CDH18: variants seen among roughly 807,000 people sequenced by gnomAD.
The protein encoded by CDH18 is cadherin 18, also known as cadherin-18.
Under a neutral mutation model 67.9 loss-of-function variants are expected in CDH18, and 31 were observed. That is an observed-to-expected ratio of 0.46 (90% CI 0.34 to 0.62). The LOEUF is 0.62. CDH18 is among the 20% of genes least tolerant of loss of function. The pLI, the probability that CDH18 is intolerant of heterozygous loss-of-function variation, is 0.01. For synonymous variants in CDH18, 362 were observed against 347.2 expected (o/e 1.04, Z -0.48); for missense variants, 890 against 975.5 (o/e 0.91, Z 1.17).
At chr5:19,711,242 A>T (rs1581003713) in intron 5 of CDH18, among the ~76,000 whole-genome samples, 1 of 152,242 alleles carries the variant, frequency 6.6e-6, no homozygotes, top group South Asian at 2.1e-4. Context: ...AAAATAGACA[A>T]GTAAGACTAT....
chr5:19,766,181 G>C (rs911694435), intron 3 of CDH18, among the ~76,000 whole-genome samples: 5 of 152,082 alleles, frequency 3.3e-5, no homozygotes, highest in Admixed American at 6.6e-5. Flanking sequence ...GCCCGACCCA[G>C]AACTTTTTCA....
intron 1 of CDH18, among the ~76,000 whole-genome samples, chr5:20,573,188 G>A (rs968279753): frequency 6.6e-6 from 1 of 151,982 alleles, no homozygotes. Context: ...AAGCTAAGAA[G>A]AATGTCCTAG....
intron 2 of CDH18, among the ~76,000 whole-genome samples, chr5:20,133,441 T>C (rs1259548752): frequency 1.3e-5 from 2 of 152,170 alleles, no homozygotes; most frequent in African/African-American, 4.8e-5. Context: ...CATGATTCAA[T>C]TGCCTCCCAC....
intron 1 of CDH18, among the ~76,000 whole-genome samples, chr5:20,270,881 G>A (rs1561927916): frequency 6.6e-6 from 1 of 151,914 alleles, no homozygotes; most frequent in Non-Finnish European, 1.5e-5. Flanking sequence ...TCTAATGCAG[G>A]GATACAAAAC....
At chr5:19,757,470 T>C (rs1771761926) in intron 3 of CDH18, among the ~76,000 whole-genome samples, 1 of 152,178 alleles carries the variant, frequency 6.6e-6, no homozygotes, top group Non-Finnish European at 1.5e-5. Context: ...GCTGAGCCCA[T>C]GTGTAACCTC....
At chr5:19,805,229 T>C (rs1049411133) in intron 3 of CDH18, among the ~76,000 whole-genome samples, 1 of 152,136 alleles carries the variant, frequency 6.6e-6, no homozygotes. Flanking sequence ...ATCACAGACA[T>C]GAGCCACCAT....
intron 2 of CDH18, among the ~76,000 whole-genome samples, chr5:20,157,603 T>C (rs765388992): frequency 6.6e-6 from 1 of 151,948 alleles, no homozygotes; most frequent in African/African-American, 2.4e-5. Flanking sequence ...CACAATGAGT[T>C]TATTTCTTTT....
chr5:19,839,074 A>G lies in CDH18; in HGVS notation c.-88T>C, dbSNP rs923876038. The G allele has an allele frequency of 1.6e-4, 161 of 988,324 alleles. No homozygotes were observed. Among genetic ancestry groups the G allele is most frequent in the Non-Finnish European group, 2.2e-4 (139 of 632,100 alleles). 61.2% of individuals were successfully genotyped at this position (988,324 alleles called of 1,614,324 possible). A position where few individuals can be genotyped will look rare whatever the true frequency, so the allele number is the denominator to read the frequency against. On this transcript the variant is annotated 5_prime_UTR_variant, in exon 3 of 13. The change abolishes an upstream ATG in the 5' untranslated region. Transcript: ENST00000382275. Reference sequence around the variant, plus strand: ...GAGCATTCAAGAGAGAAGCCAGAGCATCTTTAGGAAGGACAGTCCAAAGTA... The same window carrying G: ...GAGCATTCAAGAGAGAAGCCAGAGCGTCTTTAGGAAGGACAGTCCAAAGTA...
chr5:19,973,788 A>G (rs1798247344), intron 2 of CDH18, among the ~76,000 whole-genome samples: 1 of 151,720 alleles, frequency 6.6e-6, no homozygotes, highest in Non-Finnish European at 1.5e-5. Context: ...ATGAGCATAG[A>G]TAGGGATCAA....
intron 3 of CDH18, among the ~76,000 whole-genome samples, chr5:19,775,283 C>T (rs986425374): frequency 2.0e-5 from 3 of 152,152 alleles, no homozygotes; most frequent in African/African-American, 7.2e-5. Flanking sequence ...ATGTCCTTTA[C>T]CAGCTGTCTT....
intron 1 of CDH18, among the ~76,000 whole-genome samples, chr5:20,492,952 A>T (rs1485082536): frequency 6.6e-6 from 1 of 152,186 alleles, no homozygotes; most frequent in Non-Finnish European, 1.5e-5. Context: ...CCAACATCTG[A>T]TCAAGAAAAC....
At chr5:19,573,365 G>A (rs1414019752) in intron 7 of CDH18, among the ~76,000 whole-genome samples, 6 of 148,558 alleles carry the variant, frequency 4.0e-5, no homozygotes, top group Admixed American at 6.7e-5. Flanking sequence ...TGCAAGCTCC[G>A]TCTCCCGGGT....
intron 2 of CDH18, among the ~76,000 whole-genome samples, chr5:20,033,817 AT>A (rs1210143255): frequency 2.6e-5 from 4 of 151,982 alleles, no homozygotes; most frequent in African/African-American, 9.7e-5. Flanking sequence ...ACTGTCTTTG[AT>A]TTTACAAATG....
chr5:19,694,055 A>G (rs1762237143), intron 5 of CDH18, among the ~76,000 whole-genome samples: 1 of 152,138 alleles, frequency 6.6e-6, no homozygotes, highest in Non-Finnish European at 1.5e-5. Context: ...GATATCCACA[A>G]TTATGTGTGT....
chr5:20,365,938 A>T (rs1742479896), intron 1 of CDH18, among the ~76,000 whole-genome samples: 1 of 152,016 alleles, frequency 6.6e-6, no homozygotes, highest in Non-Finnish European at 1.5e-5. Flanking sequence ...CCTTCCATTC[A>T]TTGCCTGGTC....
At chr5:20,521,783 C>A (rs926391740) in intron 1 of CDH18, among the ~76,000 whole-genome samples, 2 of 150,844 alleles carry the variant, frequency 1.3e-5, no homozygotes, top group African/African-American at 4.9e-5. Flanking sequence ...GGAATAGAAC[C>A]AAGCACAAGT....
intron 1 of CDH18, among the ~76,000 whole-genome samples, chr5:20,507,709 A>T (rs1235442919): frequency 6.6e-6 from 1 of 152,124 alleles, no homozygotes; most frequent in Non-Finnish European, 1.5e-5. Context: ...ACATGTTATT[A>T]TTACCACATT....
chr5:19,980,653 A>T (rs1339271119), intron 2 of CDH18, among the ~76,000 whole-genome samples: 2 of 151,904 alleles, frequency 1.3e-5, no homozygotes, highest in Non-Finnish European at 2.9e-5. Flanking sequence ...TGCTGCTCCA[A>T]TTCCAGGCCG....
chr5:20,378,709 A>G (rs1562016438), intron 1 of CDH18, among the ~76,000 whole-genome samples: 1 of 152,064 alleles, frequency 6.6e-6, no homozygotes, highest in Non-Finnish European at 1.5e-5. Context: ...TAAGGTATTC[A>G]TTGCTGTTGA....
Sources: allele counts gnomAD v4.1 joint callset (sites outside exome capture counted in the v4.1 genomes callset), GRCh38; gene constraint gnomAD v4.1.1; transcripts MANE v1.5; gene names NCBI Gene and HGNC (gene_info 2026-07-23, HGNC 2026-07-21).